The following COL13A1 variants were observed in gnomAD, a reference collection of about 807,000 sequenced individuals.
The protein encoded by COL13A1 is collagen type XIII alpha 1 chain.
Under a neutral mutation model 130.9 loss-of-function variants are expected in COL13A1, and 89 were observed. That is an observed-to-expected ratio of 0.68 (90% CI 0.57 to 0.81). The LOEUF is 0.81. Among genes scored for constraint, COL13A1 ranks in the 30% least tolerant of loss-of-function variants. The pLI is 0.00. For missense variants in COL13A1, 879 were observed against 934.6 expected (o/e 0.94, Z 0.78); for synonymous variants, 402 against 341.6 (o/e 1.18, Z -1.95).
chr10:69,848,769 TC>T (rs1303325544), intron 2 of COL13A1, among the ~76,000 whole-genome samples: 1 of 152,142 alleles, frequency 6.6e-6, no homozygotes, highest in Non-Finnish European at 1.5e-5. Flanking sequence ...ATGGAAGCAT[TC>T]CCCACAGAAG....
At chr10:69,832,507 A>G (rs1849058597) in intron 2 of COL13A1, among the ~76,000 whole-genome samples, 1 of 152,214 alleles carries the variant, frequency 6.6e-6, no homozygotes, top group Admixed American at 6.5e-5. Flanking sequence ...TCGTGGCACA[A>G]TGGTAGTGCG....
At chr10:69,874,948 T>C (rs902362333) in intron 4 of COL13A1, among the ~76,000 whole-genome samples, 180 bp from the exon 5 acceptor site, 6 of 152,148 alleles carry the variant, frequency 3.9e-5, no homozygotes, top group South Asian at 4.1e-4. Context: ...TGCTGAATAG[T>C]CCTTGGGAGC....
chr10:69,881,168 A>C (rs1484565896), intron 7 of COL13A1, among the ~76,000 whole-genome samples: 1 of 152,174 alleles, frequency 6.6e-6, no homozygotes, highest in Non-Finnish European at 1.5e-5. Context: ...CTGTGGGAGG[A>C]AGGGCTTGTT....
chr10:69,802,163 CT>C lies in COL13A1; in HGVS notation c.-258del. On this transcript the variant is annotated 5_prime_UTR_variant, in exon 1 of 41. Transcript: ENST00000645393. ...AGGAGAGCCGGTCAGATTCCCCTAA[CT>C]TTCCTGGACTTGGAACGTTCTTCGA... is the stretch of plus-strand genomic sequence containing the variant. 2.3e-6 allele frequency: 1 copy of C among 437,368 alleles called. No homozygotes were observed. The highest frequency in any genetic ancestry group is 4.0e-6 in the Non-Finnish European group (1 of 252,330). The allele number at this position is 437,368 out of a possible 1,614,324, so 27.1% of individuals were successfully genotyped here.
intron 34 of COL13A1, 129 bp from the exon 35 acceptor site, chr10:69,940,859 T>C: frequency 7.8e-7 from 1 of 1,281,494 alleles, no homozygotes; most frequent in Non-Finnish European, 1.1e-6. Flanking sequence ...TCCAGTTGTG[T>C]TTGATTACCA....
At chr10:69,925,066 T>A in intron 25 of COL13A1, 59 bp downstream of exon 25, 1 of 1,446,482 alleles carries the variant, frequency 6.9e-7, no homozygotes, top group Non-Finnish European at 9.2e-7. Context: ...CAAAAAAGCA[T>A]CTGAGACAGG....
intron 2 of COL13A1, among the ~76,000 whole-genome samples, chr10:69,834,200 G>A (rs187919457): frequency 3.9e-5 from 6 of 152,280 alleles, no homozygotes; most frequent in South Asian, 2.1e-4. Flanking sequence ...TAGATCCCTC[G>A]CATGCGCAGT....
intron 13 of COL13A1, among the ~76,000 whole-genome samples, 158 bp downstream of exon 13, chr10:69,895,734 T>C (rs1470413801): frequency 6.6e-6 from 1 of 152,080 alleles, no homozygotes; most frequent in African/African-American, 2.4e-5. Flanking sequence ...AGAGGGGAGC[T>C]TGGGATGGTG....
chr10:69,942,958 C>A lies in COL13A1; in HGVS notation c.1915-1167C>A, dbSNP rs539988963. On this transcript the variant is annotated intron_variant, in intron 35 of 40. Transcript: ENST00000645393. ...CACCTCCGGGTTTCAAGCGATTCTCCTGCCTCAGCCTCCCGAGTAGCTGGG... is the reference window on the plus strand; with the variant it reads ...CACCTCCGGGTTTCAAGCGATTCTCATGCCTCAGCCTCCCGAGTAGCTGGG... Among the ~76,000 whole-genome samples, 5 of 152,368 alleles carry A rather than the reference C, an allele frequency of 3.3e-5. No homozygotes were observed. The East Asian group carries it at 9.6e-4, about 29-fold the overall frequency.
chr10:69,816,579 G>A (rs1483522377), intron 1 of COL13A1, among the ~76,000 whole-genome samples: 3 of 152,142 alleles, frequency 2.0e-5, no homozygotes, highest in Non-Finnish European at 4.4e-5. Context: ...GACCCTGGAT[G>A]TGGACCCTGT....
At chr10:69,822,111 C>A (rs780816926) in intron 1 of COL13A1, among the ~76,000 whole-genome samples, 1 of 152,154 alleles carries the variant, frequency 6.6e-6, no homozygotes, top group Non-Finnish European at 1.5e-5. Flanking sequence ...TTTATAGGAT[C>A]CTGTGTTTGG....
chr10:69,920,214 T>C (rs907194358), intron 21 of COL13A1, among the ~76,000 whole-genome samples: 3 of 152,198 alleles, frequency 2.0e-5, no homozygotes, highest in African/African-American at 7.2e-5. Context: ...AAAGACTTGG[T>C]GTGGCACCTT....
At chr10:69,919,147 G>C in intron 20 of COL13A1, 59 bp downstream of exon 20, 1 of 1,608,230 alleles carries the variant, frequency 6.2e-7, no homozygotes, top group Non-Finnish European at 8.5e-7. Context: ...GGCAGAGGTG[G>C]GAGGGGCTGC....
rs1269516233 is a variant in COL13A1, at chr10:69,894,716, G to A, written c.657+15G>A. 6.2e-7 allele frequency: 1 copy of A among 1,613,878 alleles called. No homozygotes were observed. Among genetic ancestry groups the A allele is most frequent in the South Asian group, 1.1e-5 (1 of 91,082 alleles). On this transcript the variant is annotated intron_variant, in intron 12 of 40. Transcript: ENST00000645393. ...AAGGAGAAAAGGTAAGAGCAGTGGAGGTTTCCTAGAGTCTCCATCTCAGGA... is the reference window on the plus strand; with the variant it reads ...AAGGAGAAAAGGTAAGAGCAGTGGAAGTTTCCTAGAGTCTCCATCTCAGGA...
chr10:69,896,764 C>T (rs909495485), intron 13 of COL13A1, among the ~76,000 whole-genome samples: 10 of 152,132 alleles, frequency 6.6e-5, no homozygotes, highest in African/African-American at 2.4e-4. Context: ...CGGTGCTGGG[C>T]CCGGGCTGAG....
chr10:69,842,841 C>G (rs919038055), intron 2 of COL13A1, among the ~76,000 whole-genome samples: 2 of 152,194 alleles, frequency 1.3e-5, no homozygotes, highest in African/African-American at 4.8e-5. Flanking sequence ...TGCTGGGTTC[C>G]GCTGTGTGAG....
chr10:69,827,739 C>G (rs1347943795), intron 2 of COL13A1, among the ~76,000 whole-genome samples: 1 of 152,154 alleles, frequency 6.6e-6, no homozygotes, highest in Admixed American at 6.5e-5. Flanking sequence ...AGCTGATGCC[C>G]ACACATCCTA....
intron 5 of COL13A1, among the ~76,000 whole-genome samples, chr10:69,876,715 C>T (rs1338234091): frequency 6.6e-6 from 1 of 152,244 alleles, no homozygotes; most frequent in Non-Finnish European, 1.5e-5. Context: ...GAGCCAGTCA[C>T]CTGCGTCACC....
In COL13A1 at chr10:69,824,732, G is replaced by T. The variant is rs1262695259; in HGVS notation, c.364+2294G>T. Among the ~76,000 whole-genome samples the T allele has an allele frequency of 3.9e-5, 6 of 152,320 alleles. No homozygotes were observed. The South Asian group carries it at 8.3e-4, about 21-fold the overall frequency. ...TTGGCCAGGCATAGAGGAAGAGTGG[G>T]CAGGGGCTCCTGGAAGGGATACCCC... is the stretch of plus-strand genomic sequence containing the variant. On this transcript the variant is annotated intron_variant, in intron 2 of 40. Coordinates refer to ENST00000645393, the MANE Select transcript of COL13A1 (RefSeq NM_001368882.1).
Sources: gnomAD v4.1 joint callset for allele counts (sites outside exome capture counted in the v4.1 genomes callset) on GRCh38, gnomAD v4.1.1 for gene constraint, MANE v1.5 for transcripts, NCBI Gene and HGNC (gene_info 2026-07-23, HGNC 2026-07-21) for gene names.